Variants in GPX6 observed in about 807,000 individuals in gnomAD.
The protein encoded by GPX6 is glutathione peroxidase 6 (olfactory).
GPX6 carries 21 observed loss-of-function variants against 20.0 expected under a neutral mutation model. The observed-to-expected ratio is 1.05, with a 90% CI of 0.74 to 1.51. GPX6 has a LOEUF of 1.51. Ranked by LOEUF, GPX6 falls within the 40% of genes most tolerant of loss-of-function variation. The pLI is 0.00. For missense variants in GPX6, 233 were observed against 254.7 expected, an observed-to-expected ratio of 0.91 and a Z score of 0.58; for synonymous variants, 75 against 98.0, an observed-to-expected ratio of 0.77 and a Z score of 1.38.
Position 28,510,896 on chromosome 6 carries a change from G to T in GPX6, c.96C>A (p.Cys32Ter). The change falls in exon 2 of 5, where the codon TGC (cysteine) becomes TGA (stop). Residue 32 changes from cysteine to a stop codon, truncating the protein, a stop_gained. Coordinates refer to ENST00000361902, the MANE Select transcript of GPX6 (RefSeq NM_182701.1). LOFTEE classifies it high-confidence loss of function. ...TLKPQNRKVDCNKGVTGTIYE... is the reference protein window; with the variant it reads ...TLKPQNRKVD ...AGATGGTGCCTGTTACCCCTTTGTT[G>T]CAATCCACCTGGAATTTTACAAAAA... The T allele has an allele frequency of 6.2e-7, 1 of 1,600,956 alleles. No individual in the cohort carries two copies. Among genetic ancestry groups the T allele is most frequent in the Non-Finnish European group, 8.5e-7 (1 of 1,172,678 alleles).
At position 28,510,902 on chromosome 6, in the gene GPX6, C is replaced by T. The variant is rs778359467; in HGVS notation, c.90G>A (p.Val30=). 1.9e-6 allele frequency: 3 copies of T among 1,593,708 alleles called. No homozygotes were observed. Among genetic ancestry groups the T allele is most frequent in the Admixed American group, 3.5e-5 (2 of 56,886 alleles). Residue 30 remains valine, a splice_region_variant and synonymous_variant, in exon 2 of 5, where the codon GTG becomes GTA. Transcript: ENST00000361902. ...TGCCTGTTACCCCTTTGTTGCAATCCACCTGGAATTTTACAAAAATAACCA... is the reference window on the plus strand; with the variant it reads ...TGCCTGTTACCCCTTTGTTGCAATCTACCTGGAATTTTACAAAAATAACCA... ...QQTLKPQNRK[V]DCNKGVTGTI...
intron 2 of GPX6, among the ~76,000 whole-genome samples, chr6:28,508,678 G>A (rs930809982): frequency 6.6e-6 from 1 of 151,930 alleles, no homozygotes; most frequent in Non-Finnish European, 1.5e-5. Flanking sequence ...GAGGTGATAT[G>A]CACCTGTAGT....
At chr6:28,507,328 A>G (rs895400522) in intron 2 of GPX6, among the ~76,000 whole-genome samples, 68 of 152,336 alleles carry the variant, frequency 4.5e-4, no homozygotes, top group Middle Eastern at 3.4e-3. Flanking sequence ...TTCGGTTGCT[A>G]TCGAAACTCA....
rs758789055 is a variant in GPX6, at chr6:28,510,889, C to G, written c.103G>C (p.Gly35Arg). Residue 35 changes from glycine (G) to arginine (R), a missense_variant, in exon 2 of 5, where the codon GGG becomes CGG. By Grantham distance (125) the Gly-to-Arg change is moderately radical (BLOSUM62 -2). Transcript: ENST00000361902. The stretch of plus-strand genomic sequence containing the variant: ...TACTCATAGATGGTGCCTGTTACCC[C>G]TTTGTTGCAATCCACCTGGAATTTT... ...PQNRKVDCNK[G>R]VTGTIYEYGA... 1.9e-6 allele frequency: 3 copies of G among 1,606,226 alleles called. No homozygotes were observed. The South Asian group carries it at 3.3e-5, about 18-fold the overall frequency.
chr6:28,510,701 T>C, intron 2 of GPX6, 50 bp downstream of exon 2: 1 of 1,576,944 alleles, frequency 6.3e-7, no homozygotes, highest in Middle Eastern at 1.7e-4. Flanking sequence ...AATTAGAATA[T>C]GGCTATCTGG....
Position 28,510,922 on chromosome 6 carries a change from T to C in GPX6, c.88-18A>G. The C allele has an allele frequency of 6.3e-7, 1 of 1,588,398 alleles. No individual in the cohort carries two copies. Among genetic ancestry groups the C allele is most frequent in the Non-Finnish European group, 8.6e-7 (1 of 1,164,040 alleles). ...CAATCCACCTGGAATTTTACAAAAATAACCATAACGATATAAGATAAAAAA... is the reference window on the plus strand; with the variant it reads ...CAATCCACCTGGAATTTTACAAAAACAACCATAACGATATAAGATAAAAAA... On this transcript the variant is annotated intron_variant, in intron 1 of 4. Coordinates refer to ENST00000361902, the MANE Select transcript of GPX6 (RefSeq NM_182701.1).
At chr6:28,513,070 C>A (rs148344959) in intron 1 of GPX6, among the ~76,000 whole-genome samples, 2,010 of 152,316 alleles carry the variant, frequency 0.013, 47 homozygotes, top group African/African-American at 0.045. Context: ...AGGCCATTGA[C>A]AGCGGAAGGA....
intron 1 of GPX6, among the ~76,000 whole-genome samples, chr6:28,515,277 C>T (rs1417790172): frequency 7.2e-5 from 11 of 152,248 alleles, no homozygotes; most frequent in African/African-American, 2.6e-4. Context: ...CCTGTCAATC[C>T]ATTTGCGACT....
At position 28,504,099 on chromosome 6, in the gene GPX6, T is replaced by TACACACACACACACAC. The variant is rs55919532; in HGVS notation, c.*177_*192dup. The TACACACACACACACAC allele has an allele frequency of 4.2e-5, 24 of 565,770 alleles. No individual in the cohort carries two copies. Among genetic ancestry groups the TACACACACACACACAC allele is most frequent in the African/African-American group, 2.1e-4 (11 of 51,664 alleles). 35.0% of individuals were successfully genotyped at this position (565,770 alleles called of 1,614,324 possible). On this transcript the variant is annotated 3_prime_UTR_variant, in exon 5 of 5. Transcript: ENST00000361902. ...CAACAAATACAATTCTACATATCCA[T>TACACACACACACACAC]ACACACACACACACACACACACACA...
In GPX6 at chr6:28,504,099, T is replaced by C. The variant is rs868453588; in HGVS notation, c.*193A>G. Reference sequence around the variant, plus strand: ...CAACAAATACAATTCTACATATCCATACACACACACACACACACACACACA... The same window carrying C: ...CAACAAATACAATTCTACATATCCACACACACACACACACACACACACACA... On this transcript the variant is annotated 3_prime_UTR_variant, in exon 5 of 5. Transcript: ENST00000361902. The C allele has an allele frequency of 7.0e-4, 398 of 565,714 alleles. 6 individuals carry two copies. Among genetic ancestry groups the C allele is most frequent in the South Asian group, 6.2e-3 (294 of 47,120 alleles). The allele number at this position is 565,714 out of a possible 1,614,324, so 35.0% of individuals were successfully genotyped here.
intron 2 of GPX6, among the ~76,000 whole-genome samples, chr6:28,509,130 A>C (rs1054491380): frequency 6.6e-6 from 1 of 152,180 alleles, no homozygotes; most frequent in Non-Finnish European, 1.5e-5. Flanking sequence ...GATTTTTATT[A>C]CTGAAAATCC....
intron 1 of GPX6, among the ~76,000 whole-genome samples, chr6:28,512,762 CT>C (rs1762916369): frequency 6.6e-6 from 1 of 152,180 alleles, no homozygotes; most frequent in Non-Finnish European, 1.5e-5. Flanking sequence ...AGGTCTACAG[CT>C]TCACTCCTGA....
chr6:28,511,315 A>G (rs189354660), intron 1 of GPX6, among the ~76,000 whole-genome samples: 29 of 152,336 alleles, frequency 1.9e-4, no homozygotes, highest in Admixed American at 1.0e-3. Flanking sequence ...ATGTTCTTAT[A>G]TTGTAATTCC....
intron 2 of GPX6, 91 bp downstream of exon 2, chr6:28,510,660 C>A (rs1762854204): frequency 6.9e-6 from 9 of 1,299,672 alleles, no homozygotes; most frequent in Non-Finnish European, 9.6e-6. Flanking sequence ...CCCATCGCAT[C>A]CTCCAATAAC....
chr6:28,515,331 G>A (rs1337881674), intron 1 of GPX6, among the ~76,000 whole-genome samples: 1 of 152,126 alleles, frequency 6.6e-6, no homozygotes. Flanking sequence ...TCCAAGTTAT[G>A]GACCAGCATG....
At chr6:28,507,812 G>A (rs552081132) in intron 2 of GPX6, among the ~76,000 whole-genome samples, 1 of 152,144 alleles carries the variant, frequency 6.6e-6, no homozygotes, top group South Asian at 2.1e-4. Flanking sequence ...AGAGTGATCC[G>A]GCCACCTTGG....
intron 2 of GPX6, among the ~76,000 whole-genome samples, chr6:28,508,647 A>G (rs1202820196): frequency 6.6e-6 from 1 of 152,038 alleles, no homozygotes; most frequent in Non-Finnish European, 1.5e-5. Context: ...CTCTATTAAA[A>G]AAAAAAAAAA....
chr6:28,515,347 G>T lies in GPX6; in HGVS notation c.87+310C>A, dbSNP rs535473280. 1.3e-3 allele frequency among the ~76,000 whole-genome samples: 202 copies of T among 152,304 alleles called. 1 individual carries two copies. Among genetic ancestry groups the T allele is most frequent in the African/African-American group, 4.6e-3 (192 of 41,552 alleles). On this transcript the variant is annotated intron_variant, in intron 1 of 4. Transcript: ENST00000361902. ...CCAAGTTATGGACCAGCATGAAGGG[G>T]ACAGGCTCTAGGCTATCAAGGGGCC...
At chr6:28,505,660 C>T in intron 4 of GPX6, 43 bp downstream of exon 4, 13 of 1,482,934 alleles carry the variant, frequency 8.8e-6, no homozygotes, top group Non-Finnish European at 1.2e-5. Flanking sequence ...GCTTTCAGAG[C>T]ATTTCTAGCT....
Sources: allele counts gnomAD v4.1 joint callset (sites outside exome capture counted in the v4.1 genomes callset), GRCh38; gene constraint gnomAD v4.1.1; transcripts MANE v1.5; gene names NCBI Gene and HGNC (gene_info 2026-07-23, HGNC 2026-07-21).